The following DNM3 variants were observed in gnomAD, a reference collection of about 807,000 sequenced individuals.
DNM3 encodes dynamin-3.
In DNM3, 47 loss-of-function variants were observed where a neutral mutation model predicts 101.6. That is an observed-to-expected ratio of 0.46 (90% CI 0.37 to 0.59). The LOEUF (loss-of-function observed/expected upper bound fraction) is 0.59, where lower values mean the gene tolerates loss of function less well. Among genes scored for constraint, DNM3 ranks in the 20% least tolerant of loss-of-function variants. The probability of loss-of-function intolerance (pLI) is 0.00; values close to 1 mark genes in which losing one functional copy is unlikely to be tolerated. For synonymous variants in DNM3, 385 were observed against 387.9 expected (o/e 0.99, Z 0.09); for missense variants, 849 against 1,085.7 (o/e 0.78, Z 3.06).
intron 17 of DNM3, among the ~76,000 whole-genome samples, chr1:172,362,670 C>T (rs1431431917): frequency 6.6e-6 from 1 of 151,786 alleles, no homozygotes; most frequent in Non-Finnish European, 1.5e-5. Context: ...CGTGCCATTC[C>T]CTTCATTTTT....
At chr1:171,852,139 A>C (rs2033051754) in intron 1 of DNM3, among the ~76,000 whole-genome samples, 3 of 152,222 alleles carry the variant, frequency 2.0e-5, no homozygotes, top group Non-Finnish European at 2.9e-5. Context: ...ATGTACATGT[A>C]ATACAAATTC....
At chr1:172,321,311 A>G (rs1439594811) in intron 16 of DNM3, among the ~76,000 whole-genome samples, 1 of 152,196 alleles carries the variant, frequency 6.6e-6, no homozygotes, top group Non-Finnish European at 1.5e-5. Context: ...TAATAATACA[A>G]GACTTAAAAT....
intron 20 of DNM3, among the ~76,000 whole-genome samples, chr1:172,392,690 TG>T (rs2069625781): frequency 6.6e-6 from 1 of 152,204 alleles, no homozygotes; most frequent in Non-Finnish European, 1.5e-5. Flanking sequence ...TCCCTTTCCT[TG>T]GACTAAGCTA....
rs191614694 is a variant in DNM3, at chr1:172,365,343, T to A, written c.1894-13675T>A. On this transcript the variant is annotated intron_variant, in intron 17 of 20. Coordinates refer to ENST00000627582, the MANE Select transcript of DNM3 (RefSeq NM_015569.5). The stretch of plus-strand genomic sequence containing the variant: ...TTGGCCATGTGGTGAATTGTTGAAG[T>A]TGAGTAACGAGAGATTAATTTGTAC... Among the ~76,000 whole-genome samples the A allele has an allele frequency of 1.0e-3, 153 of 152,044 alleles. 3 individuals are homozygous for A. In the East Asian group the frequency reaches 0.024, roughly 24 times the overall value.
Position 172,292,623 on chromosome 1 carries a change from A to ACACACACG in DNM3, c.1770-16104_1770-16103insACACACGC, listed in dbSNP as rs1339308974. Among the ~76,000 whole-genome samples the ACACACACG allele has an allele frequency of 6.1e-3, 904 of 147,854 alleles. 5 individuals are homozygous for ACACACACG. The highest frequency in any genetic ancestry group is 9.8e-3 in the Non-Finnish European group (661 of 67,186). ...ACTTCACACACACACACACACACAC[A>ACACACACG]CGCGCGTGCGTATATTCCTTACACG... On this transcript the variant is annotated intron_variant, in intron 15 of 20. Transcript: ENST00000627582.
At chr1:171,848,881 T>A (rs1475277637) in intron 1 of DNM3, among the ~76,000 whole-genome samples, 1 of 152,248 alleles carries the variant, frequency 6.6e-6, no homozygotes, top group African/African-American at 2.4e-5. Flanking sequence ...ATTATATGAA[T>A]GATACAGGAT....
intron 1 of DNM3, among the ~76,000 whole-genome samples, chr1:171,878,480 C>T (rs1160169033): frequency 6.6e-6 from 1 of 151,792 alleles, no homozygotes; most frequent in African/African-American, 2.4e-5. Flanking sequence ...ACTTACCTCT[C>T]TCAGATACCA....
rs556144845 is a variant in DNM3, at chr1:172,302,700, G to C, written c.1770-6028G>C. 2.0e-5 allele frequency among the ~76,000 whole-genome samples: 3 copies of C among 152,278 alleles called. No individual in the cohort carries two copies. In the South Asian group the frequency reaches 6.2e-4, roughly 32 times the overall value. On this transcript the variant is annotated intron_variant, in intron 15 of 20. Coordinates refer to ENST00000627582, the MANE Select transcript of DNM3 (RefSeq NM_015569.5). ...GACGGGTCAGACAGCAATATTTGCT[G>C]TTCTGCAGCCTCCGCCGGGTGATAC...
At chr1:172,194,411 G>A (rs960962285) in intron 14 of DNM3, among the ~76,000 whole-genome samples, 8 of 152,002 alleles carry the variant, frequency 5.3e-5, no homozygotes, top group South Asian at 2.1e-4. Flanking sequence ...ATTCCTGGAT[G>A]TCTTTGTTAA....
At chr1:172,393,207 AAAGCCAT>A (rs2069680047) in intron 20 of DNM3, 1 of 152,252 alleles carries the variant, frequency 6.6e-6, no homozygotes, top group Non-Finnish European at 1.5e-5. Context: ...TACAAAGACA[AAAGCCAT>A]TTAATCCTCC....
chr1:172,194,811 A>T (rs2059888172), intron 14 of DNM3, among the ~76,000 whole-genome samples: 1 of 151,938 alleles, frequency 6.6e-6, no homozygotes, highest in East Asian at 1.9e-4. Context: ...TTGACTCTTT[A>T]TCCAATTTGC....
chr1:172,231,275 C>G (rs146864044), intron 14 of DNM3, among the ~76,000 whole-genome samples: 2 of 152,020 alleles, frequency 1.3e-5, no homozygotes, highest in Non-Finnish European at 2.9e-5. Flanking sequence ...TCCAGAGGAA[C>G]GATCAGGCAG....
chr1:172,169,073 G>T (rs185078005), intron 14 of DNM3, among the ~76,000 whole-genome samples: 1 of 151,714 alleles, frequency 6.6e-6, no homozygotes. Flanking sequence ...TCTTTTGAGC[G>T]CTCACCATAG....
chr1:172,002,189 T>C (rs1051405927), intron 4 of DNM3, among the ~76,000 whole-genome samples: 4 of 152,062 alleles, frequency 2.6e-5, no homozygotes, highest in Non-Finnish European at 4.4e-5. Flanking sequence ...ATTAATTGCA[T>C]TGAGCGCCCA....
At chr1:172,110,335 T>C (rs1255938446) in intron 13 of DNM3, among the ~76,000 whole-genome samples, 9 of 152,222 alleles carry the variant, frequency 5.9e-5, no homozygotes. Context: ...TAGAAATACA[T>C]ACTCCTCTCA....
At chr1:172,185,228 A>G (rs759262654) in intron 14 of DNM3, among the ~76,000 whole-genome samples, 1 of 152,096 alleles carries the variant, frequency 6.6e-6, no homozygotes, top group Non-Finnish European at 1.5e-5. Flanking sequence ...AGGCCCCTTC[A>G]GTGTGTGAAT....
At chr1:172,378,874 G>A in intron 17 of DNM3, 144 bp from the exon 18 acceptor site, 1 of 916,648 alleles carries the variant, frequency 1.1e-6, no homozygotes, top group Non-Finnish European at 1.6e-6. Context: ...CAGAACCAGT[G>A]GATGCATAAG....
At chr1:171,961,728 C>T (rs1220990253) in intron 2 of DNM3, among the ~76,000 whole-genome samples, 1 of 151,972 alleles carries the variant, frequency 6.6e-6, no homozygotes, top group East Asian at 1.9e-4. Context: ...AATGGATAAA[C>T]AAGGTATGAT....
intron 2 of DNM3, among the ~76,000 whole-genome samples, chr1:171,925,058 C>A (rs1571641963): frequency 6.6e-6 from 1 of 151,618 alleles, no homozygotes; most frequent in African/African-American, 2.4e-5. Flanking sequence ...CACCACCACG[C>A]CCGGCTAATT....
Sources: gnomAD v4.1 joint callset for allele counts (sites outside exome capture counted in the v4.1 genomes callset) on GRCh38, gnomAD v4.1.1 for gene constraint, MANE v1.5 for transcripts, NCBI Gene and HGNC (gene_info 2026-07-23, HGNC 2026-07-21) for gene names.